DAB1: variants seen among roughly 807,000 people sequenced by gnomAD.
The protein encoded by DAB1 is DAB adaptor protein 1, also known as disabled homolog 1.
A neutral mutation model predicts 64.6 loss-of-function variants in DAB1; 15 were observed. The ratio of observed to expected loss-of-function variants is 0.23; its 90% CI spans 0.16 to 0.36. The LOEUF is 0.36. DAB1 is among the 10% of genes least tolerant of loss of function. DAB1 has a pLI of 1.00. For synonymous variants in DAB1, 235 were observed against 251.9 expected (o/e 0.93, Z 0.64); for missense variants, 596 against 706.7 (o/e 0.84, Z 1.78).
At chr1:58,115,742 A>G (rs1652281831) in intron 5 of DAB1, among the ~76,000 whole-genome samples, 1 of 102,656 alleles carries the variant, frequency 9.7e-6, no homozygotes, top group African/African-American at 4.0e-5. Context: ...GCAAGAACAA[A>G]AAACCAAACA....
In DAB1 at chr1:57,879,575, C is replaced by T. The variant is rs147378876; in HGVS notation, n.87+4424G>A. 2.2e-4 allele frequency among the ~76,000 whole-genome samples: 34 copies of T among 152,264 alleles called. No homozygotes were observed. In the East Asian group the frequency reaches 5.2e-3, roughly 23 times the overall value. On this transcript the variant is annotated intron_variant and non_coding_transcript_variant, in intron 1 of 1. Transcript: ENST00000477280. ...TATCTAGCCATTAATCTGTGGTTGG[C>T]CAGCATGCCCTTTCACAGAGGCCTG... is the stretch of plus-strand genomic sequence containing the variant.
rs1236136379 is a variant in DAB1, at chr1:57,517,951, CTA to C, written n.625+131639_625+131640del. Among the ~76,000 whole-genome samples the C allele has an allele frequency of 5.9e-5, 9 of 152,310 alleles. No homozygotes were observed. The East Asian group carries it at 1.5e-3, about 26-fold the overall frequency. On this transcript the variant is annotated intron_variant and non_coding_transcript_variant, in intron 7 of 20. Transcript: ENST00000485760. ...CAGCCCCCCAGCTGGAATCCTCTCT[CTA>C]GTAGCACCCAGCCTCTGTTGTCACA...
intron 6 of DAB1, among the ~76,000 whole-genome samples, chr1:57,803,839 CT>C (rs1651242105): frequency 6.6e-6 from 1 of 152,180 alleles, no homozygotes; most frequent in Admixed American, 6.5e-5. Flanking sequence ...CGGAGACTTC[CT>C]TGCTTTTTCC....
At chr1:57,644,808 G>C (rs1403046449) in intron 7 of DAB1, among the ~76,000 whole-genome samples, 1 of 152,114 alleles carries the variant, frequency 6.6e-6, no homozygotes, top group African/African-American at 2.4e-5. Context: ...AAGCCCACTG[G>C]GCAAGCCATT....
At chr1:58,505,724 G>A (rs1645977537) in intron 3 of DAB1, among the ~76,000 whole-genome samples, 1 of 151,966 alleles carries the variant, frequency 6.6e-6, no homozygotes, top group South Asian at 2.1e-4. Flanking sequence ...AAATCACCAA[G>A]GAAAGATTAA....
At chr1:58,448,581 TGA>T (rs1645097758) in intron 3 of DAB1, among the ~76,000 whole-genome samples, 1 of 152,142 alleles carries the variant, frequency 6.6e-6, no homozygotes, top group African/African-American at 2.4e-5. Flanking sequence ...GCCCTGGTGT[TGA>T]GTTTGCAGGT....
chr1:57,930,047 C>A (rs186212036), intron 5 of DAB1, among the ~76,000 whole-genome samples: 4 of 152,324 alleles, frequency 2.6e-5, no homozygotes, highest in African/African-American at 9.6e-5. Flanking sequence ...AGGTCTGTAT[C>A]CATTTTGAGT....
intron 1 of DAB1, among the ~76,000 whole-genome samples, chr1:58,530,949 CACTT>C (rs1274317207): frequency 1.1e-4 from 16 of 152,072 alleles, no homozygotes; most frequent in Admixed American, 9.8e-4. Context: ...TCTACTAAGC[CACTT>C]ACTATTAGTC....
At chr1:57,004,506 C>CA (rs1645992619) in intron 14 of DAB1, among the ~76,000 whole-genome samples, 1 of 152,162 alleles carries the variant, frequency 6.6e-6, no homozygotes, top group African/African-American at 2.4e-5. Context: ...ACTTATGCCC[C>CA]ATCCCGGGGG....
intron 6 of DAB1, among the ~76,000 whole-genome samples, chr1:57,779,794 T>A (rs115876947): frequency 6.6e-6 from 1 of 152,122 alleles, no homozygotes; most frequent in African/African-American, 2.4e-5. Context: ...TGAAAACTGA[T>A]GCTAAGTCTG....
At chr1:57,053,660 C>CTCTCTA (rs1399510534) in intron 9 of DAB1, among the ~76,000 whole-genome samples, 8 of 116,676 alleles carry the variant, frequency 6.9e-5, no homozygotes, top group African/African-American at 2.7e-4. Context: ...CTCTCTCTCT[C>CTCTCTA]TATATGTATA....
At chr1:58,138,549 G>A (rs971318770) in intron 5 of DAB1, among the ~76,000 whole-genome samples, 2 of 152,174 alleles carry the variant, frequency 1.3e-5, no homozygotes, top group African/African-American at 4.8e-5. Context: ...TGAGGTTTGT[G>A]CACTGGGATC....
intron 1 of DAB1, among the ~76,000 whole-genome samples, chr1:57,350,514 G>A (rs939796442): frequency 2.0e-5 from 3 of 152,066 alleles, no homozygotes; most frequent in Admixed American, 6.6e-5. Flanking sequence ...ACTTGGCCCC[G>A]ACTGCTGAAT....
At chr1:58,212,667 C>A (rs1292450306) in intron 4 of DAB1, among the ~76,000 whole-genome samples, 2 of 152,174 alleles carry the variant, frequency 1.3e-5, no homozygotes, top group Non-Finnish European at 2.9e-5. Context: ...TTAAACTCAT[C>A]TTATCTCATA....
In DAB1 at chr1:57,302,229, G is replaced by A. The variant is rs544490769; in HGVS notation, c.-136-11063C>T. ...ACCGTGTTTTCCTGAAGCCATAAAT[G>A]AGAATGGATGCCCTGACAAAGGATG... On this transcript the variant is annotated intron_variant, in intron 1 of 14. Coordinates refer to ENST00000371236, the MANE Select transcript of DAB1 (RefSeq NM_001365792.1). Among the ~76,000 whole-genome samples, 4 of 152,228 alleles carry A rather than the reference G, an allele frequency of 2.6e-5. No individual in the cohort carries two copies. In the East Asian group the frequency reaches 7.7e-4, roughly 29 times the overall value.
At chr1:58,197,258 G>T (rs1052013054) in intron 4 of DAB1, among the ~76,000 whole-genome samples, 1 of 152,188 alleles carries the variant, frequency 6.6e-6, no homozygotes. Context: ...GCCTGGACCA[G>T]AACAGTGAGA....
At chr1:57,823,867 C>T (rs1652233142), downstream of DAB1, among the ~76,000 whole-genome samples, 1 of 152,168 alleles carries the variant, frequency 6.6e-6, no homozygotes, top group Admixed American at 6.5e-5. Flanking sequence ...TCAAACTTGC[C>T]TAAGGCCTTA....
At chr1:57,223,175 C>T (rs1229652949) in intron 2 of DAB1, among the ~76,000 whole-genome samples, 3 of 152,166 alleles carry the variant, frequency 2.0e-5, no homozygotes, top group Admixed American at 6.5e-5. Context: ...AAGGCAAGTG[C>T]TATTCAGATG....
chr1:57,025,111 C>T (rs1207354498), intron 10 of DAB1, among the ~76,000 whole-genome samples: 2 of 152,200 alleles, frequency 1.3e-5, no homozygotes, highest in African/African-American at 4.8e-5. Context: ...GCTGTCCCCT[C>T]CCGGCAGCTT....
Sources: allele counts gnomAD v4.1 joint callset (sites outside exome capture counted in the v4.1 genomes callset), GRCh38; gene constraint gnomAD v4.1.1; transcripts MANE v1.5; gene names NCBI Gene and HGNC (gene_info 2026-07-23, HGNC 2026-07-21).